RIT2: variants seen among roughly 807,000 people sequenced by gnomAD.
The protein encoded by RIT2 is GTP-binding protein Rit2.
In RIT2, 24 loss-of-function variants were observed where a neutral mutation model predicts 23.7. The observed-to-expected ratio is 1.01, with a 90% CI of 0.73 to 1.43. The LOEUF is 1.43. Ranked by LOEUF, RIT2 falls within the 40% of genes most tolerant of loss-of-function variation. The probability of loss-of-function intolerance (pLI) is 0.00; values close to 1 mark genes in which losing one functional copy is unlikely to be tolerated. For synonymous variants in RIT2, 107 were observed against 91.1 expected (o/e 1.17, Z -0.99); for missense variants, 236 against 266.9 (o/e 0.88, Z 0.81).
At chr18:43,076,920 G>A (rs1272125967) in intron 1 of RIT2, among the ~76,000 whole-genome samples, 1 of 151,262 alleles carries the variant, frequency 6.6e-6, no homozygotes, top group Non-Finnish European at 1.5e-5. Context: ...CGGCTAAAAC[G>A]GTGAAACCCC....
At chr18:42,819,356 T>G (rs1321717241) in intron 4 of RIT2, among the ~76,000 whole-genome samples, 1 of 152,008 alleles carries the variant, frequency 6.6e-6, no homozygotes, top group Non-Finnish European at 1.5e-5. Context: ...GAAAAACATG[T>G]AAGGGATATG....
At chr18:42,970,283 G>A (rs754048202) in intron 3 of RIT2, among the ~76,000 whole-genome samples, 3 of 151,870 alleles carry the variant, frequency 2.0e-5, no homozygotes, top group Non-Finnish European at 4.4e-5. Flanking sequence ...GTTTTCCAAA[G>A]CTGTGCTTGT....
At chr18:43,033,987 G>T in intron 1 of RIT2, 120 bp from the exon 2 acceptor site, 1 of 615,480 alleles carries the variant, frequency 1.6e-6, no homozygotes, top group South Asian at 2.3e-5. Context: ...TTATGTGAGT[G>T]ACTAATTTAA....
At chr18:42,823,273 C>A (rs943409698) in intron 4 of RIT2, among the ~76,000 whole-genome samples, 28 of 152,250 alleles carry the variant, frequency 1.8e-4, no homozygotes, top group African/African-American at 6.7e-4. Context: ...ATATTCATCA[C>A]AAAATATTTC....
chr18:42,907,623 T>C (rs1347335507), intron 4 of RIT2, among the ~76,000 whole-genome samples: 1 of 152,022 alleles, frequency 6.6e-6, no homozygotes, highest in Admixed American at 6.6e-5. Context: ...AAAATCACAA[T>C]ATGAATGAGA....
chr18:42,883,554 G>A (rs868107132), intron 4 of RIT2, among the ~76,000 whole-genome samples: 9 of 151,966 alleles, frequency 5.9e-5, no homozygotes, highest in Admixed American at 2.0e-4. Context: ...CTTTTGCTTC[G>A]TCCAACATAT....
chr18:42,894,582 TATG>T (rs554155794), intron 4 of RIT2, among the ~76,000 whole-genome samples: 29 of 152,322 alleles, frequency 1.9e-4, no homozygotes, highest in African/African-American at 7.0e-4. Flanking sequence ...TCAGTCAGGC[TATG>T]ATAATAAAAT....
At chr18:42,964,500 C>T (rs1443843439) in intron 3 of RIT2, among the ~76,000 whole-genome samples, 1 of 152,180 alleles carries the variant, frequency 6.6e-6, no homozygotes, top group East Asian at 1.9e-4. Flanking sequence ...ACTACTCCAC[C>T]CCCACCTGAC....
chr18:42,778,913 T>G (rs888894499), intron 4 of RIT2, among the ~76,000 whole-genome samples: 6 of 152,190 alleles, frequency 3.9e-5, no homozygotes, highest in African/African-American at 1.4e-4. Flanking sequence ...TCTATTTCCC[T>G]CTGGACAAGA....
intron 1 of RIT2, among the ~76,000 whole-genome samples, chr18:43,071,717 T>C (rs1045725099): frequency 1.3e-5 from 2 of 152,238 alleles, no homozygotes; most frequent in African/African-American, 2.4e-5. Context: ...CATTTATTAA[T>C]ACTTTGACAA....
At chr18:42,905,984 ATATATATGTATATATATATATACATATAT>A (rs1256120382) in intron 4 of RIT2, among the ~76,000 whole-genome samples, 6 of 1,002 alleles carry the variant, frequency 6.0e-3, no homozygotes, top group Non-Finnish European at 0.015. Flanking sequence ...TGAAATATAT[ATATATATGTATATATATATATACATATAT>A]ATATATATGT....
chr18:43,027,118 C>T (rs1309774894), intron 2 of RIT2, among the ~76,000 whole-genome samples: 3 of 139,574 alleles, frequency 2.1e-5, no homozygotes, highest in Non-Finnish European at 4.6e-5. Flanking sequence ...TTAATATTAT[C>T]CTTGGACTAG....
chr18:42,834,901 G>A (rs960655358), intron 4 of RIT2, among the ~76,000 whole-genome samples: 1 of 152,050 alleles, frequency 6.6e-6, no homozygotes, highest in Non-Finnish European at 1.5e-5. Flanking sequence ...ACATAAATTA[G>A]TCTCATAACA....
At chr18:42,811,984 G>C (rs373713031) in intron 4 of RIT2, among the ~76,000 whole-genome samples, 1 of 151,978 alleles carries the variant, frequency 6.6e-6, no homozygotes, top group African/African-American at 2.4e-5. Flanking sequence ...ATGGGGCTAC[G>C]GGTACATAAA....
chr18:42,864,165 G>C (rs1469372868), intron 4 of RIT2, among the ~76,000 whole-genome samples: 2 of 152,118 alleles, frequency 1.3e-5, no homozygotes. Context: ...CTACCTGTTG[G>C]TTGCCATGCC....
chr18:42,999,697 C>T (rs763388639), intron 2 of RIT2, among the ~76,000 whole-genome samples: 13 of 151,924 alleles, frequency 8.6e-5, no homozygotes, highest in Non-Finnish European at 1.6e-4. Context: ...TATCAGGACA[C>T]TTGAAGGTTT....
chr18:43,032,366 C>A (rs1005870651), intron 2 of RIT2, among the ~76,000 whole-genome samples: 1 of 151,964 alleles, frequency 6.6e-6, no homozygotes, highest in African/African-American at 2.4e-5. Flanking sequence ...GACACCAATA[C>A]ATACAAAGCT....
At chr18:43,000,923 T>C (rs1911089447) in intron 2 of RIT2, among the ~76,000 whole-genome samples, 2 of 152,042 alleles carry the variant, frequency 1.3e-5, no homozygotes, top group African/African-American at 4.8e-5. Context: ...GTGAAGTATT[T>C]ACAAAAGCCA....
At chr18:42,790,676 G>T (rs1361301663) in intron 4 of RIT2, among the ~76,000 whole-genome samples, 1 of 152,120 alleles carries the variant, frequency 6.6e-6, no homozygotes, top group African/African-American at 2.4e-5. Flanking sequence ...TGTGCCACCC[G>T]CCTCGGCCTC....
Sources: allele counts gnomAD v4.1 joint callset (sites outside exome capture counted in the v4.1 genomes callset), GRCh38; gene constraint gnomAD v4.1.1; transcripts MANE v1.5; gene names NCBI Gene and HGNC (gene_info 2026-07-23, HGNC 2026-07-21).